The following ZNF75D variants were observed in gnomAD, a reference collection of about 807,000 sequenced individuals.
The protein encoded by ZNF75D is zinc finger protein 75D, also known as zinc finger protein 75.
A neutral mutation model predicts 33.3 loss-of-function variants in ZNF75D; 33 were observed. That is an observed-to-expected ratio of 0.99 (90% CI 0.75 to 1.32). The LOEUF is 1.32. ZNF75D is among the 40% of genes most tolerant of loss of function. The probability of loss-of-function intolerance (pLI) is 0.00; values close to 1 mark genes in which losing one functional copy is unlikely to be tolerated. For missense variants in ZNF75D, 338 were observed against 367.5 expected, an observed-to-expected ratio of 0.92 and a Z score of 0.66; for synonymous variants, 113 against 130.6, an observed-to-expected ratio of 0.87 and a Z score of 0.92.
At chrX:135,315,330 T>A (rs1192739956) in intron 1 of ZNF75D, among the ~76,000 whole-genome samples, 1 of 112,365 alleles carries the variant, frequency 8.9e-6, no homozygotes, top group Non-Finnish European at 1.9e-5. Context: ...TTTTTATAAT[T>A]TGTTGAGCCT....
At chrX:135,257,092 A>G (rs1658118802) in intron 1 of ZNF75D, among the ~76,000 whole-genome samples, 1 of 112,183 alleles carries the variant, frequency 8.9e-6, no homozygotes, top group African/African-American at 3.2e-5. Flanking sequence ...GGGATGACCC[A>G]GCGTCCTCCC....
chrX:135,270,897 T>C (rs2083880665), intron 1 of ZNF75D, among the ~76,000 whole-genome samples: 1 of 112,252 alleles, frequency 8.9e-6, no homozygotes, highest in Admixed American at 9.5e-5. Context: ...GCCTCGAATA[T>C]TTTAACCTCC....
intron 1 of ZNF75D, among the ~76,000 whole-genome samples, chrX:135,260,213 T>C (rs901183891): frequency 3.6e-5 from 4 of 112,151 alleles, no homozygotes; most frequent in Non-Finnish European, 7.5e-5. Context: ...TTATTGAGGA[T>C]TTTCGCATAG....
At position 135,320,594 on chromosome X, in the gene ZNF75D, G is replaced by GC. The variant is rs782031405; in HGVS notation, c.-391+21173dup. The stretch of plus-strand genomic sequence containing the variant: ...CTTTGAAATATTTTTGATGGTTTTG[G>GC]CAAATAAATGTTTATCCATATTAGG... On this transcript the variant is annotated intron_variant, in intron 1 of 6. Coordinates refer to ENST00000370766, the MANE Select transcript of ZNF75D (RefSeq NM_007131.5). 5.8e-3 allele frequency among the ~76,000 whole-genome samples: 650 copies of GC among 111,318 alleles called. 2 individuals are homozygous for GC. The highest frequency in any genetic ancestry group is 0.014 in the Middle Eastern group (3 of 214).
chrX:135,306,985 C>A (rs979198995), intron 1 of ZNF75D, among the ~76,000 whole-genome samples: 5 of 111,211 alleles, frequency 4.5e-5, no homozygotes, highest in Non-Finnish European at 9.4e-5. Flanking sequence ...AGGCTATAAT[C>A]CAGCTGGGAT....
intron 1 of ZNF75D, among the ~76,000 whole-genome samples, chrX:135,274,312 T>C (rs781915195): frequency 8.9e-6 from 1 of 112,047 alleles, no homozygotes; most frequent in African/African-American, 3.2e-5. Context: ...TTAAAATTAT[T>C]GGTAAAATAA....
In ZNF75D at chrX:135,287,361, G is replaced by T; in HGVS notation, c.1309C>A (p.His437Asn). ...CCTGTGTGAATTCTTTGGTGTGTGT[G>T]TAGATTTGTGTTATGACTAAAGCTT... ...GKSFSHNTNL[H>N]THQRIHTGEK... is the part of the protein sequence containing the mutation. Residue 437 changes from histidine (H) to asparagine (N), a missense_variant, in exon 7 of 7, where the codon CAC (histidine) becomes AAC (asparagine). Coordinates refer to ENST00000370766, the MANE Select transcript of ZNF75D (RefSeq NM_007131.5). 8.3e-7 allele frequency: 1 copy of T among 1,211,408 alleles called. No homozygotes were observed. Among genetic ancestry groups the T allele is most frequent in the Non-Finnish European group, 1.1e-6 (1 of 895,085 alleles).
intron 1 of ZNF75D, among the ~76,000 whole-genome samples, chrX:135,332,280 T>C (rs1442076494): frequency 2.7e-5 from 3 of 111,598 alleles, no homozygotes; most frequent in Admixed American, 1.9e-4. Context: ...ACAAGTAGCA[T>C]AGAAGGGTCC....
chrX:135,297,276 A>C (rs2084145243), intron 1 of ZNF75D: 1 of 112,334 alleles, frequency 8.9e-6, no homozygotes, highest in Non-Finnish European at 1.9e-5. Context: ...AGTTAAAGTC[A>C]ATCATCATTC....
At chrX:135,322,759 G>A (rs1412632826) in intron 1 of ZNF75D, among the ~76,000 whole-genome samples, 6 of 112,413 alleles carry the variant, frequency 5.3e-5, no homozygotes, top group African/African-American at 1.9e-4. Flanking sequence ...ATTTGAGTCT[G>A]AGTATCCATG....
intron 1 of ZNF75D, among the ~76,000 whole-genome samples, chrX:135,297,986 T>C (rs2084158583): frequency 9.0e-6 from 1 of 110,943 alleles, no homozygotes; most frequent in Non-Finnish European, 1.9e-5. Context: ...AGATCTGATG[T>C]CTTTTTTTCT....
chrX:135,289,914 T>C (rs1313507699), intron 6 of ZNF75D, among the ~76,000 whole-genome samples: 5 of 111,766 alleles, frequency 4.5e-5, no homozygotes, highest in African/African-American at 1.6e-4. Context: ...TTACTGCTAC[T>C]GGATTTTTGT....
intron 1 of ZNF75D, among the ~76,000 whole-genome samples, chrX:135,269,859 A>C (rs151235958): frequency 0.013 from 1,405 of 111,891 alleles, 11 homozygotes; most frequent in South Asian, 0.024. Flanking sequence ...CCATCAACAG[A>C]AGAATGGATA....
downstream of ZNF75D, among the ~76,000 whole-genome samples, chrX:135,280,849 A>G (rs1196212162): frequency 8.9e-6 from 1 of 112,209 alleles, no homozygotes; most frequent in Non-Finnish European, 1.9e-5. Flanking sequence ...GTTTCTGCCA[A>G]GAGATCCGCT....
At position 135,287,190 on chromosome X, in the gene ZNF75D, T is replaced by A; in HGVS notation, c.1480A>T (p.Arg494Ter). The A allele has an allele frequency of 8.3e-7, 1 of 1,211,124 alleles. No homozygotes were observed. Among genetic ancestry groups the A allele is most frequent in the Non-Finnish European group, 1.1e-6 (1 of 895,377 alleles). ...RNFSRRSSLLRHQKLHRRREA... is the reference protein window; with the variant it reads ...RNFSRRSSLL ...CTTCTTCTGTGGAGTTTCTGGTGTC[T>A]AAGAAGGCTCGATCGCCTACTAAAG... The change falls in exon 7 of 7, where the codon AGA becomes TGA. Residue 494 changes from arginine to a stop codon, truncating the protein, a stop_gained. Transcript: ENST00000370766. LOFTEE classifies it high-confidence loss of function.
intron 1 of ZNF75D, among the ~76,000 whole-genome samples, chrX:135,322,679 C>A (rs781903670): frequency 3.8e-4 from 42 of 111,901 alleles, no homozygotes; most frequent in Non-Finnish European, 7.1e-4. Flanking sequence ...AGGTAGTGTG[C>A]GCAGGGTCTA....
intron 1 of ZNF75D, among the ~76,000 whole-genome samples, chrX:135,317,000 T>A (rs1247933051): frequency 9.0e-6 from 1 of 111,490 alleles, no homozygotes; most frequent in East Asian, 2.8e-4. Context: ...TGGATAATTA[T>A]TTTGTTCCTT....
chrX:135,301,893 C>T (rs1476598698), intron 1 of ZNF75D, among the ~76,000 whole-genome samples: 3 of 112,415 alleles, frequency 2.7e-5, no homozygotes, highest in Admixed American at 9.4e-5. Context: ...TCCATGAGGG[C>T]TCTGCTCCTG....
At chrX:135,316,866 T>G (rs782542235) in intron 1 of ZNF75D, among the ~76,000 whole-genome samples, 10 of 110,542 alleles carry the variant, frequency 9.0e-5, no homozygotes, top group Non-Finnish European at 1.9e-4. Context: ...TCCTAAATTG[T>G]TTTCCTGATT....
Sources: gnomAD v4.1 joint callset for allele counts (sites outside exome capture counted in the v4.1 genomes callset) on GRCh38, gnomAD v4.1.1 for gene constraint, MANE v1.5 for transcripts, NCBI Gene and HGNC (gene_info 2026-07-23, HGNC 2026-07-21) for gene names.